NR5A2: variants seen among roughly 807,000 people sequenced by gnomAD.
NR5A2 encodes the protein nuclear receptor subfamily 5 group A member 2, also known as CYP7A promoter-binding factor.
In NR5A2, 26 loss-of-function variants were observed where a neutral mutation model predicts 62.7. The observed-to-expected ratio is 0.41, with a 90% CI of 0.30 to 0.58. The LOEUF is 0.58. Ranked by LOEUF, NR5A2 falls within the 20% of genes least tolerant of loss-of-function variation. NR5A2 has a pLI of 0.22. For synonymous variants in NR5A2, 246 were observed against 241.7 expected (o/e 1.02, Z -0.16); for missense variants, 541 against 669.1 (o/e 0.81, Z 2.11).
chr1:200,154,985 T>C (rs1374379807), intron 7 of NR5A2, among the ~76,000 whole-genome samples: 1 of 152,184 alleles, frequency 6.6e-6, no homozygotes, highest in Non-Finnish European at 1.5e-5. Context: ...GAACTGAGAT[T>C]TAGGAATATC....
intron 7 of NR5A2, among the ~76,000 whole-genome samples, chr1:200,149,894 T>G (rs1407889144): frequency 1.3e-5 from 2 of 152,228 alleles, no homozygotes; most frequent in Non-Finnish European, 2.9e-5. Flanking sequence ...GTTGCTTCTT[T>G]GAAGATATTT....
chr1:200,136,212 CT>C (rs1211587834), intron 7 of NR5A2, among the ~76,000 whole-genome samples: 1 of 151,822 alleles, frequency 6.6e-6, no homozygotes, highest in Non-Finnish European at 1.5e-5. Context: ...AAGCTCTTCA[CT>C]TTTTTCTTTC....
intron 6 of NR5A2, among the ~76,000 whole-genome samples, chr1:200,114,229 TATATACAC>T (rs753458598): frequency 1.1e-4 from 5 of 47,228 alleles, no homozygotes; most frequent in Admixed American, 2.9e-4. Context: ...TATATATATA[TATATACAC>T]ACACACACAT....
At position 200,048,078 on chromosome 1, in the gene NR5A2, C is replaced by A. The variant is rs1374339398; in HGVS notation, c.464-94C>A. On this transcript the variant is annotated intron_variant, in intron 4 of 7. Transcript: ENST00000367362. The surrounding 1 kb of genome is among the most constrained non-coding windows in gnomAD (Gnocchi z 4.8). ...GAAAACAACCACACACATACCACTT[C>A]TTGTCGATTTACATTTCTAAATATC... The A allele has an allele frequency of 5.7e-6, 7 of 1,238,068 alleles. No homozygotes were observed. Among genetic ancestry groups the A allele is most frequent in the Non-Finnish European group, 7.9e-6 (7 of 886,784 alleles). The allele number at this position is 1,238,068 out of a possible 1,614,324, so 76.7% of individuals were successfully genotyped here.
chr1:200,046,128 T>A (rs1662348792), intron 4 of NR5A2, among the ~76,000 whole-genome samples: 1 of 152,138 alleles, frequency 6.6e-6, no homozygotes, highest in Non-Finnish European at 1.5e-5. Flanking sequence ...TGTATTTTTT[T>A]AAAAGATAAT....
At chr1:200,164,949 T>C (rs1653828027) in intron 7 of NR5A2, among the ~76,000 whole-genome samples, 1 of 135,284 alleles carries the variant, frequency 7.4e-6, no homozygotes, top group Non-Finnish European at 1.5e-5. Flanking sequence ...CAATCTCAGC[T>C]CACTGCAACC....
chr1:200,048,186 C>A lies in NR5A2; in HGVS notation c.478C>A (p.Arg160=). Residue 160 remains arginine (R), a synonymous_variant, in exon 5 of 8, where the codon CGA becomes AGA. Coordinates refer to ENST00000367362, the MANE Select transcript of NR5A2 (RefSeq NM_205860.3). This position sits in a 1 kb window ranked among gnomAD's most constrained non-coding sequence, Gnocchi z 4.8. ...GMKLEAVRAD[R]MRGGRNKFGP... is the part of the protein sequence containing the mutation. The stretch of plus-strand genomic sequence containing the variant: ...ACCCCCAACAGCTGTAAGGGCCGAC[C>A]GAATGCGTGGAGGAAGGAATAAGTT... 1.9e-6 allele frequency: 3 copies of A among 1,608,516 alleles called. No homozygotes were observed. The highest frequency in any genetic ancestry group is 2.6e-6 in the Non-Finnish European group (3 of 1,176,352).
At chr1:200,044,781 C>A (rs2821366) in intron 3 of NR5A2, among the ~76,000 whole-genome samples, 18,258 of 151,874 alleles carry the variant, frequency 0.12, 1,302 homozygotes, top group Middle Eastern at 0.23. Context: ...TTGATTAATT[C>A]TTTTATATAA....
chr1:200,121,159 A>T (rs553707648), intron 7 of NR5A2, among the ~76,000 whole-genome samples: 1 of 152,364 alleles, frequency 6.6e-6, no homozygotes, highest in Admixed American at 6.5e-5. Context: ...GGGGAATGGA[A>T]AATGAGTTAT....
Position 200,175,909 on chromosome 1 carries a change from A to G in NR5A2, c.*1699A>G, listed in dbSNP as rs1235525437. The stretch of plus-strand genomic sequence containing the variant: ...AATATTTCTGGCTTTTGAGTAGTGT[A>G]TTTATATTGTATATCATACTTTCAA... On this transcript the variant is annotated 3_prime_UTR_variant, in exon 8 of 8. Transcript: ENST00000367362. 3 of 152,556 alleles carry G rather than the reference A, an allele frequency of 2.0e-5. No homozygotes were observed. Among genetic ancestry groups the G allele is most frequent in the Non-Finnish European group, 4.4e-5 (3 of 68,010 alleles). 9.5% of individuals were successfully genotyped at this position (152,556 alleles called of 1,614,324 possible).
chr1:200,062,227 T>TTATGTGTGTGTGTGTGTGTGTG (rs1553267511), intron 5 of NR5A2, among the ~76,000 whole-genome samples: 72 of 145,756 alleles, frequency 4.9e-4, no homozygotes, highest in African/African-American at 1.4e-3. Flanking sequence ...CTGGCAGATT[T>TTATGTGTGTGTGTGTGTGTGTG]TGTGTGTGTG....
intron 5 of NR5A2, among the ~76,000 whole-genome samples, chr1:200,078,285 C>A (rs1454830042): frequency 2.6e-5 from 4 of 152,128 alleles, no homozygotes; most frequent in Non-Finnish European, 5.9e-5. Flanking sequence ...TATGGCATGT[C>A]AAGGGAAGTT....
chr1:200,145,468 TTGTGTGTGTGTGTGTGTGTGTGTGTG>T (rs66885184), intron 7 of NR5A2, among the ~76,000 whole-genome samples: 25 of 142,210 alleles, frequency 1.8e-4, no homozygotes, highest in East Asian at 1.2e-3. Flanking sequence ...TTGATAGAAT[TTGTGTGTGTGTGTGTGTGTGTGTGTG>T]TGTGTGTGTG....
intron 7 of NR5A2, among the ~76,000 whole-genome samples, chr1:200,138,420 G>A (rs1667317924): frequency 6.6e-6 from 1 of 151,980 alleles, no homozygotes; most frequent in African/African-American, 2.4e-5. Context: ...CTGTTTCTTT[G>A]AAGTACCTGT....
At chr1:200,117,658 T>C (rs568189879) in intron 6 of NR5A2, among the ~76,000 whole-genome samples, 4 of 152,242 alleles carry the variant, frequency 2.6e-5, no homozygotes, top group Admixed American at 2.0e-4. Context: ...ACCAACATAT[T>C]TGTGTTTCAT....
chr1:200,045,312 T>C (rs1662307998), intron 3 of NR5A2, 131 bp from the exon 4 acceptor site: 2 of 715,102 alleles, frequency 2.8e-6, no homozygotes, highest in East Asian at 3.3e-5. Flanking sequence ...AAATGTAAAA[T>C]AAACCACAGA....
chr1:200,046,920 C>A (rs1662395404), intron 4 of NR5A2, among the ~76,000 whole-genome samples: 1 of 152,140 alleles, frequency 6.6e-6, no homozygotes, highest in Non-Finnish European at 1.5e-5. Flanking sequence ...GTGGTACATG[C>A]TCATGCTTCC....
At chr1:200,160,507 A>G (rs1653594474) in intron 7 of NR5A2, among the ~76,000 whole-genome samples, 1 of 152,226 alleles carries the variant, frequency 6.6e-6, no homozygotes, top group Non-Finnish European at 1.5e-5. Context: ...CTCACACAAA[A>G]TAATATTTTA....
chr1:200,089,678 C>G (rs1293596950), intron 5 of NR5A2, among the ~76,000 whole-genome samples: 1 of 151,914 alleles, frequency 6.6e-6, no homozygotes, highest in Non-Finnish European at 1.5e-5. Flanking sequence ...CCATGTTGCC[C>G]AGGCTGGTCT....
Sources: gnomAD v4.1 joint callset for allele counts (sites outside exome capture counted in the v4.1 genomes callset) on GRCh38, gnomAD v4.1.1 for gene constraint, Gnocchi (gnomAD v3.1) non-coding constraint, MANE v1.5 for transcripts, NCBI Gene and HGNC (gene_info 2026-07-23, HGNC 2026-07-21) for gene names.